The following SLC26A4 variants were observed in gnomAD, a reference collection of about 807,000 sequenced individuals.
SLC26A4 encodes pendrin.
In SLC26A4, 93 loss-of-function variants were observed where a neutral mutation model predicts 90.4. The observed-to-expected ratio is 1.03, with a 90% CI of 0.87 to 1.22. SLC26A4 has a LOEUF of 1.22. Ranked by LOEUF, SLC26A4 falls within the 50% of genes most tolerant of loss-of-function variation. The probability of loss-of-function intolerance (pLI) is 0.00; values close to 1 mark genes in which losing one functional copy is unlikely to be tolerated. For synonymous variants in SLC26A4, 393 were observed against 354.6 expected, an observed-to-expected ratio of 1.11 and a Z score of -1.22; for missense variants, 1,127 against 946.2, an observed-to-expected ratio of 1.19 and a Z score of -2.51.
intron 18 of SLC26A4, 56 bp from the exon 19 acceptor site, chr7:107,709,998 C>A: frequency 2.0e-6 from 3 of 1,508,368 alleles, no homozygotes; most frequent in Non-Finnish European, 2.8e-6. Flanking sequence ...GTCTCAAAAA[C>A]AAACAAAAAT....
At chr7:107,674,807 T>A (rs1790977425) in intron 5 of SLC26A4, 138 bp from the exon 6 acceptor site, 1 of 781,428 alleles carries the variant, frequency 1.3e-6, no homozygotes, top group Non-Finnish European at 2.2e-6. Flanking sequence ...GAAATTCATA[T>A]TTTTTTCTAC....
intron 6 of SLC26A4, among the ~76,000 whole-genome samples, chr7:107,679,989 T>G (rs1791155362): frequency 1.5e-5 from 2 of 136,422 alleles, no homozygotes; most frequent in South Asian, 4.5e-4. Flanking sequence ...TCTTATTATA[T>G]AATATAATCT....
At chr7:107,682,106 A>T (rs1014859818) in intron 6 of SLC26A4, among the ~76,000 whole-genome samples, 11 of 123,112 alleles carry the variant, frequency 8.9e-5, no homozygotes, top group Non-Finnish European at 1.5e-4. Context: ...AAGAGAGCTA[A>T]AAAAAAAAAA....
At chr7:107,712,513 T>C in intron 19 of SLC26A4, 26 bp from the exon 20 acceptor site, 1 of 1,219,236 alleles carries the variant, frequency 8.2e-7, no homozygotes, top group Non-Finnish European at 1.2e-6. Flanking sequence ...GCTATTCTAT[T>C]TCTACCCTGT....
chr7:107,689,206 G>T lies in SLC26A4; in HGVS notation c.1149+6G>T, dbSNP rs772655870. On this transcript the variant is annotated splice_donor_region_variant and intron_variant, in intron 9 of 20. Transcript: ENST00000644269. ...ACACCATCGATGGGAACCAGGTATG[G>T]GTGCCCTTTTGCTGAACTGGTTTTA... The T allele has an allele frequency of 1.1e-5, 17 of 1,613,332 alleles. No individual in the cohort carries two copies. The East Asian group carries it at 2.7e-4, about 25-fold the overall frequency.
At chr7:107,704,548 A>G (rs1486699720) in intron 18 of SLC26A4, among the ~76,000 whole-genome samples, 163 bp downstream of exon 18, 1 of 151,776 alleles carries the variant, frequency 6.6e-6, no homozygotes, top group African/African-American at 2.4e-5. Context: ...GCTTCATTCC[A>G]TAAAACAGAA....
At chr7:107,696,395 C>T (rs946779233) in intron 13 of SLC26A4, among the ~76,000 whole-genome samples, 1 of 152,162 alleles carries the variant, frequency 6.6e-6, no homozygotes, top group Non-Finnish European at 1.5e-5. Context: ...CTAAAAAGTA[C>T]ATAGTTTAGC....
intron 20 of SLC26A4, among the ~76,000 whole-genome samples, chr7:107,713,573 G>A (rs890841165): frequency 6.6e-6 from 1 of 152,200 alleles, no homozygotes. Flanking sequence ...CAAGCAGTCA[G>A]TGCTTCTCTG....
At chr7:107,691,729 C>T in intron 10 of SLC26A4, 5 of 866,368 alleles carry the variant, frequency 5.8e-6, no homozygotes, top group Non-Finnish European at 5.5e-6. Flanking sequence ...AGTTTTTTGG[C>T]TGCTTTTCAA....
At position 107,661,167 on chromosome 7, in the gene SLC26A4, C is replaced by G. The variant is rs1790535566; in HGVS notation, c.-4+312C>G. On this transcript the variant is annotated intron_variant, in intron 1 of 20. Transcript: ENST00000644269. The surrounding 1 kb of genome is among the most constrained non-coding windows in gnomAD (Gnocchi z 5.1). ...TCCACGCCTGGCCCGGGGGTCTGCA[C>G]CTCTCCTCCAGTGCGCACCTGGAGC... 5.2e-6 allele frequency: 1 copy of G among 192,532 alleles called. No homozygotes were observed. The highest frequency in any genetic ancestry group is 2.4e-5 in the African/African-American group (1 of 41,806). The allele number at this position is 192,532 out of a possible 1,614,324, so 11.9% of individuals were successfully genotyped here.
intron 10 of SLC26A4, 48 bp from the exon 11 acceptor site, chr7:107,694,355 A>G: frequency 2.1e-6 from 3 of 1,448,690 alleles, no homozygotes; most frequent in Non-Finnish European, 2.9e-6. Context: ...GCTGGAAGAC[A>G]CAAGGGAGAA....
At chr7:107,663,234 G>C in intron 2 of SLC26A4, 62 bp from the exon 3 acceptor site, 1 of 1,582,962 alleles carries the variant, frequency 6.3e-7, no homozygotes, top group Non-Finnish European at 8.7e-7. Context: ...ATAACTTTGT[G>C]ATTTGCAAAT....
In SLC26A4 at chr7:107,674,152, T is replaced by A. The variant is rs751972640; in HGVS notation, c.416-12T>A. 4 of 1,613,822 alleles carry A rather than the reference T, an allele frequency of 2.5e-6. No homozygotes were observed. In the East Asian group the frequency reaches 8.9e-5, roughly 36 times the overall value. On this transcript the variant is annotated splice_polypyrimidine_tract_variant and intron_variant, in intron 4 of 20. Coordinates refer to ENST00000644269, the MANE Select transcript of SLC26A4 (RefSeq NM_000441.2). Reference sequence around the variant, plus strand: ...AATAACTGATTAATTGTTAGAGACTTTTTTTCCCCAGGACCTTTTCCAGTG... The same window carrying A: ...AATAACTGATTAATTGTTAGAGACTATTTTTCCCCAGGACCTTTTCCAGTG...
intron 2 of SLC26A4, 33 bp from the exon 3 acceptor site, chr7:107,663,263 G>T (rs183198888): frequency 1.6e-5 from 26 of 1,613,958 alleles, no homozygotes; most frequent in Non-Finnish European, 2.1e-5. Flanking sequence ...ACTGAGATTG[G>T]ATTGAAAACC....
intron 6 of SLC26A4, among the ~76,000 whole-genome samples, chr7:107,677,887 G>T (rs1301245746): frequency 6.6e-6 from 1 of 152,062 alleles, no homozygotes; most frequent in Non-Finnish European, 1.5e-5. Flanking sequence ...AAAGTTCTGG[G>T]ATTAAAGGAG....
chr7:107,691,512 T>TACACACACACACACACACAC (rs760010561), intron 10 of SLC26A4, among the ~76,000 whole-genome samples: 72 of 110,558 alleles, frequency 6.5e-4, no homozygotes, highest in Middle Eastern at 5.1e-3. Flanking sequence ...CAAATATATA[T>TACACACACACACACACACAC]ATACACACAC....
Position 107,661,951 on chromosome 7 carries a change from G to T in SLC26A4, c.164+146G>T, listed in dbSNP as rs1368290195. On this transcript the variant is annotated intron_variant, in intron 2 of 20. Transcript: ENST00000644269. The surrounding 1 kb of genome is among the most constrained non-coding windows in gnomAD (Gnocchi z 5.1). ...TGCTTCTCCCAGAGGCCCGACTTTC[G>T]GTCTCCGGTCCTCCACGCCGCCCTT... 1.6e-5 allele frequency: 14 copies of T among 864,528 alleles called. No individual in the cohort carries two copies. The highest frequency in any genetic ancestry group is 3.5e-4 in the Middle Eastern group (1 of 2,842). The allele number at this position is 864,528 out of a possible 1,614,324, so 53.6% of individuals were successfully genotyped here.
At chr7:107,711,639 C>G (rs963029556) in intron 19 of SLC26A4, among the ~76,000 whole-genome samples, 2 of 152,164 alleles carry the variant, frequency 1.3e-5, no homozygotes, top group East Asian at 3.9e-4. Context: ...GAGTCTAGCA[C>G]AAAGCTTTAT....
intron 8 of SLC26A4, among the ~76,000 whole-genome samples, chr7:107,686,955 G>GT (rs148456847): frequency 6.6e-6 from 1 of 152,152 alleles, no homozygotes; most frequent in Non-Finnish European, 1.5e-5. Context: ...AAACCACAGG[G>GT]TTTTTTTCCT....
Sources: gnomAD v4.1 joint callset for allele counts (sites outside exome capture counted in the v4.1 genomes callset) on GRCh38, gnomAD v4.1.1 for gene constraint, Gnocchi (gnomAD v3.1) non-coding constraint, MANE v1.5 for transcripts, NCBI Gene and HGNC (gene_info 2026-07-23, HGNC 2026-07-21) for gene names.